The following UBE4B variants were observed in gnomAD, a reference collection of about 807,000 sequenced individuals.
UBE4B encodes the protein ubiquitination factor E4B, also known as ubiquitin conjugation factor E4 B.
Under a neutral mutation model 148.1 loss-of-function variants are expected in UBE4B, and 27 were observed. That is an observed-to-expected ratio of 0.18 (90% CI 0.13 to 0.25). The LOEUF (loss-of-function observed/expected upper bound fraction) is 0.25. Among genes scored for constraint, UBE4B ranks in the 10% least tolerant of loss-of-function variants. The pLI is 1.00. For missense variants in UBE4B, 1,170 were observed against 1,662.4 expected (o/e 0.70, Z 5.15); for synonymous variants, 596 against 619.3 (o/e 0.96, Z 0.56).
chr1:10,087,514 T>C (rs1304655194), intron 2 of UBE4B, among the ~76,000 whole-genome samples: 1 of 152,224 alleles, frequency 6.6e-6, no homozygotes, highest in Non-Finnish European at 1.5e-5. Context: ...GTTTTCATGA[T>C]CTTCACAGTT....
intron 7 of UBE4B, among the ~76,000 whole-genome samples, chr1:10,107,564 C>T (rs926615658): frequency 6.8e-6 from 1 of 146,806 alleles, no homozygotes; most frequent in African/African-American, 2.5e-5. Flanking sequence ...TTCTTTTTTT[C>T]TTTCTTTCTT....
intron 5 of UBE4B, among the ~76,000 whole-genome samples, chr1:10,104,328 C>A (rs1200259306): frequency 6.6e-6 from 1 of 152,074 alleles, no homozygotes; most frequent in African/African-American, 2.4e-5. Flanking sequence ...TTTTTCTTTA[C>A]AGTAGTCATT....
chr1:10,096,897 G>A (rs912239293), intron 3 of UBE4B, among the ~76,000 whole-genome samples: 1 of 151,818 alleles, frequency 6.6e-6, no homozygotes, highest in Non-Finnish European at 1.5e-5. Context: ...AAATTAGCTG[G>A]GTGTGGTGTT....
chr1:10,114,296 A>G (rs1415622416), intron 7 of UBE4B, among the ~76,000 whole-genome samples: 1 of 152,208 alleles, frequency 6.6e-6, no homozygotes. Context: ...AGTGCAGTGA[A>G]TATAGTCACT....
chr1:10,065,798 G>A (rs1313689828), intron 1 of UBE4B, among the ~76,000 whole-genome samples: 1 of 152,120 alleles, frequency 6.6e-6, no homozygotes, highest in Non-Finnish European at 1.5e-5. Context: ...GAAATTTACT[G>A]TGTCATTGCC....
chr1:10,153,275 G>A (rs1326847914), intron 21 of UBE4B, among the ~76,000 whole-genome samples: 1 of 151,838 alleles, frequency 6.6e-6, no homozygotes. Flanking sequence ...GGAGGCCAAG[G>A]TGGGAGGATT....
intron 1 of UBE4B, among the ~76,000 whole-genome samples, chr1:10,067,588 G>A (rs978799968): frequency 1.3e-5 from 2 of 151,662 alleles, no homozygotes; most frequent in African/African-American, 4.8e-5. Flanking sequence ...AAGTGAGGTT[G>A]CATCTCTTAG....
At chr1:10,039,152 A>G (rs933781097) in intron 1 of UBE4B, among the ~76,000 whole-genome samples, 2 of 152,178 alleles carry the variant, frequency 1.3e-5, no homozygotes, top group African/African-American at 4.8e-5. Flanking sequence ...TAGGAATCCA[A>G]CAGTTATAGA....
chr1:10,154,358 T>C (rs1455288055), intron 21 of UBE4B, among the ~76,000 whole-genome samples: 3 of 151,534 alleles, frequency 2.0e-5, no homozygotes, highest in Non-Finnish European at 4.4e-5. Context: ...GTGGAGGTTG[T>C]AGTTAGCCGA....
At chr1:10,076,702 C>T (rs1453055136) in intron 2 of UBE4B, among the ~76,000 whole-genome samples, 2 of 149,170 alleles carry the variant, frequency 1.3e-5, no homozygotes, top group African/African-American at 2.5e-5. Context: ...GTAGGGGGTC[C>T]TTCCACTTCC....
chr1:10,158,427 T>G lies in UBE4B; in HGVS notation c.2998T>G (p.Phe1000Val). 1 of 1,614,190 alleles carries G rather than the reference T, an allele frequency of 6.2e-7. No homozygotes were observed. The highest frequency in any genetic ancestry group is 8.5e-7 in the Non-Finnish European group (1 of 1,180,028). Residue 1000 changes from phenylalanine (F) to valine (V), a missense_variant, in exon 22 of 28, where the codon TTT becomes GTT. Transcript: ENST00000343090. The stretch of plus-strand genomic sequence containing the variant: ...AATTCGCTATCATATTAGCACCATT[T>G]TTAAAAGCCTTTGGCAAAACATAGC... Reference protein sequence around the residue: ...FTIRYHISTIFKSLWQNIAHH... With the variant: ...FTIRYHISTIVKSLWQNIAHH...
intron 2 of UBE4B, among the ~76,000 whole-genome samples, chr1:10,075,305 A>G (rs997873743): frequency 2.6e-5 from 4 of 152,178 alleles, no homozygotes; most frequent in Admixed American, 6.5e-5. Context: ...CCTGTCAGAA[A>G]ACTAGAAGCA....
intron 14 of UBE4B, among the ~76,000 whole-genome samples, chr1:10,131,055 G>A (rs983553518): frequency 4.6e-5 from 7 of 152,182 alleles, no homozygotes; most frequent in African/African-American, 1.7e-4. Flanking sequence ...TTAGTGGCCC[G>A]GCTCCTCCTC....
intron 7 of UBE4B, among the ~76,000 whole-genome samples, chr1:10,116,811 CAAGT>C (rs766458510): frequency 3.9e-5 from 6 of 152,320 alleles, no homozygotes; most frequent in Non-Finnish European, 7.4e-5. Flanking sequence ...CTTCAGGTAA[CAAGT>C]AAGCAGTGGG....
At chr1:10,169,361 C>CT (rs1646304352) in intron 24 of UBE4B, among the ~76,000 whole-genome samples, 3 of 152,200 alleles carry the variant, frequency 2.0e-5, no homozygotes. Flanking sequence ...ATGTGACTCT[C>CT]TGTTATGTGA....
chr1:10,160,026 C>T (rs1646135318), intron 22 of UBE4B, among the ~76,000 whole-genome samples: 1 of 152,164 alleles, frequency 6.6e-6, no homozygotes, highest in Non-Finnish European at 1.5e-5. Flanking sequence ...ACAGGAACTT[C>T]TCTTCTCCAG....
chr1:10,091,897 C>T (rs942708284), intron 2 of UBE4B, among the ~76,000 whole-genome samples: 10 of 152,014 alleles, frequency 6.6e-5, no homozygotes, highest in African/African-American at 2.4e-4. Context: ...TGAGCCACTG[C>T]GCCCGGACTA....
intron 1 of UBE4B, among the ~76,000 whole-genome samples, chr1:10,063,290 G>C (rs1369818514): frequency 6.6e-6 from 1 of 152,032 alleles, no homozygotes; most frequent in African/African-American, 2.4e-5. Flanking sequence ...AAACAAAACA[G>C]ATGTCGGCAA....
rs147349679 is a variant in UBE4B at position 10,157,100 on chromosome 1, C to T, written c.2927-1256C>T. Among the ~76,000 whole-genome samples the T allele has an allele frequency of 4.8e-3, 729 of 152,272 alleles. 9 individuals are homozygous for T. The highest frequency in any genetic ancestry group is 0.016 in the African/African-American group (684 of 41,560). On this transcript the variant is annotated intron_variant, in intron 21 of 27. Coordinates refer to ENST00000343090, the MANE Select transcript of UBE4B (RefSeq NM_001105562.3). ...GCATGATCTTGGCTCACTGCAACCT[C>T]TGTATCTGGATTCAAGCAATTCTCC...
Sources: gnomAD v4.1 joint callset for allele counts (sites outside exome capture counted in the v4.1 genomes callset) on GRCh38, gnomAD v4.1.1 for gene constraint, MANE v1.5 for transcripts, NCBI Gene and HGNC (gene_info 2026-07-23, HGNC 2026-07-21) for gene names.